CLIC5: variants seen among roughly 807,000 people sequenced by gnomAD.
The protein encoded by CLIC5 is chloride intracellular channel protein 5.
In CLIC5, 20 loss-of-function variants were observed where a neutral mutation model predicts 24.7. The ratio of observed to expected loss-of-function variants is 0.81; its 90% CI spans 0.57 to 1.18. CLIC5 has a LOEUF of 1.18. Among genes scored for constraint, CLIC5 ranks in the 50% most tolerant of loss-of-function variants. CLIC5 has a pLI of 0.00. For synonymous variants in CLIC5, 159 were observed against 135.6 expected (o/e 1.17, Z -1.20); for missense variants, 341 against 326.1 (o/e 1.05, Z -0.35).
At chr6:45,941,402 C>G (rs945587774) in intron 4 of CLIC5, 145 bp downstream of exon 4, 52 of 637,056 alleles carry the variant, frequency 8.2e-5, no homozygotes, top group East Asian at 5.3e-4. Context: ...ATGGTGGTGG[C>G]GGGGGGTGGG....
chr6:46,024,832 G>C lies in CLIC5; in HGVS notation c.540+54871C>G, dbSNP rs74726346. The stretch of plus-strand genomic sequence containing the variant: ...GCATCAACACAGTGATACACTTTAA[G>C]AGTGACGCCAATCTTGAGGTGAATA... On this transcript the variant is annotated intron_variant, in intron 1 of 5. Coordinates refer to the CLIC5 transcript ENST00000185206. 3.2e-4 allele frequency among the ~76,000 whole-genome samples: 49 copies of C among 152,258 alleles called. 1 individual carries two copies. In the East Asian group the frequency reaches 8.9e-3, roughly 28 times the overall value.
At chr6:45,943,303 G>T (rs1003971660) in intron 3 of CLIC5, among the ~76,000 whole-genome samples, 3 of 152,220 alleles carry the variant, frequency 2.0e-5, no homozygotes, top group African/African-American at 7.2e-5. Context: ...GAACCTTAAA[G>T]GCTGAGCTGC....
At chr6:46,079,903 T>A (rs723580) in exon 1 of CLIC5, 1 of 1,551,804 alleles carries the variant, frequency 6.4e-7, no homozygotes, top group African/African-American at 1.4e-5. Flanking sequence ...TGGTCCTGGG[T>A]TGATGAATAT....
intron 5 of CLIC5, among the ~76,000 whole-genome samples, chr6:45,904,644 GTCCCTT>G (rs1762601795): frequency 5.1e-3 from 2 of 390 alleles, no homozygotes; most frequent in African/African-American, 0.023. Flanking sequence ...CCTCTTTTCT[GTCCCTT>G]TCCTTCCCTC....
At chr6:46,017,183 T>C (rs1767041898), upstream of CLIC5, among the ~76,000 whole-genome samples, 3 of 152,200 alleles carry the variant, frequency 2.0e-5, no homozygotes, top group South Asian at 4.1e-4. Context: ...AATTATTGAA[T>C]GTTTTGCACC....
intron 1 of CLIC5, among the ~76,000 whole-genome samples, chr6:46,067,692 TC>T (rs1489051301): frequency 1.3e-5 from 2 of 152,132 alleles, no homozygotes; most frequent in African/African-American, 2.4e-5. Flanking sequence ...TGGCTTTCTG[TC>T]CAACTTCAGG....
intron 1 of CLIC5, among the ~76,000 whole-genome samples, chr6:46,026,546 A>G (rs768470904): frequency 2.0e-5 from 3 of 152,200 alleles, no homozygotes; most frequent in Non-Finnish European, 2.9e-5. Flanking sequence ...TCCTATCCCC[A>G]TAAAACTTGG....
the CLIC5 span, among the ~76,000 whole-genome samples, chr6:46,122,107 A>C: frequency 1.4e-4 from 22 of 152,270 alleles, 1 homozygote; most frequent in African/African-American, 4.1e-4. Flanking sequence ...AACTCTCCAC[A>C]CCAAATCAAC....
At chr6:45,921,387 G>T (rs1763254084) in intron 4 of CLIC5, among the ~76,000 whole-genome samples, 1 of 152,064 alleles carries the variant, frequency 6.6e-6, no homozygotes, top group South Asian at 2.1e-4. Flanking sequence ...GAGTATGTCG[G>T]GGAGCCATGG....
At chr6:46,092,526 T>C in the CLIC5 span, among the ~76,000 whole-genome samples, 1 of 152,222 alleles carries the variant, frequency 6.6e-6, no homozygotes, top group African/African-American at 2.4e-5. Flanking sequence ...AAACTTTAAC[T>C]CAAGTCTTGG....
intron 4 of CLIC5, among the ~76,000 whole-genome samples, chr6:45,928,451 C>T: frequency 6.6e-6 from 1 of 152,168 alleles, no homozygotes; most frequent in South Asian, 2.1e-4. Flanking sequence ...AAAGTTTCCT[C>T]AAAGCTACGT....
At chr6:46,065,963 A>C (rs1334797071) in intron 1 of CLIC5, among the ~76,000 whole-genome samples, 5 of 152,230 alleles carry the variant, frequency 3.3e-5, no homozygotes, top group Non-Finnish European at 5.9e-5. Context: ...ACTAGGGCAT[A>C]TGGTATAATG....
rs895871770 is a variant in CLIC5, at chr6:46,015,723, G to T, written c.-181C>A. On this transcript the variant is annotated 5_prime_UTR_variant, in exon 1 of 6. It adds an upstream start codon to the 5' untranslated region. Transcript: ENST00000339561. ...CGGGGTCTGAGAGATCAGTGTCCCA[G>T]ATGCTCACATGAAAAGGAGCGAAGC... 2.9e-4 allele frequency: 358 copies of T among 1,254,026 alleles called. No homozygotes were observed. The highest frequency in any genetic ancestry group is 3.4e-4 in the Non-Finnish European group (339 of 999,036). The allele number at this position is 1,254,026 out of a possible 1,614,324, so 77.7% of individuals were successfully genotyped here. A position where few individuals can be genotyped will look rare whatever the true frequency, so the allele number is the denominator to read the frequency against.
At chr6:46,031,862 CACATATATATATA>C (rs1767508627) in intron 1 of CLIC5, among the ~76,000 whole-genome samples, 1 of 146,310 alleles carries the variant, frequency 6.8e-6, no homozygotes, top group Admixed American at 6.9e-5. Flanking sequence ...TATATATATA[CACATATATATATA>C]ACATATATAT....
At chr6:45,921,675 G>C (rs554211105) in intron 4 of CLIC5, among the ~76,000 whole-genome samples, 1 of 152,084 alleles carries the variant, frequency 6.6e-6, no homozygotes, top group East Asian at 1.9e-4. Flanking sequence ...GAACATCCTA[G>C]CATGTTCCAG....
intron 1 of CLIC5, among the ~76,000 whole-genome samples, chr6:46,040,448 ATAG>A (rs1767775287): frequency 1.3e-5 from 2 of 152,002 alleles, no homozygotes; most frequent in African/African-American, 2.4e-5. Context: ...GAACACAGTA[ATAG>A]TGGTGGTGGT....
chr6:45,912,011 A>G, intron 5 of CLIC5: 1 of 985,702 alleles, frequency 1.0e-6, no homozygotes, highest in Non-Finnish European at 1.2e-6. Flanking sequence ...GCCACGCAAG[A>G]GGAGAGTGAG....
chr6:45,980,254 A>T (rs145863833), intron 1 of CLIC5, among the ~76,000 whole-genome samples: 1 of 152,092 alleles, frequency 6.6e-6, no homozygotes, highest in African/African-American at 2.4e-5. Flanking sequence ...TCACTGGTCT[A>T]TGTGTCTGTT....
In CLIC5 at chr6:45,914,373, A is replaced by G. The variant is rs1762936816; in HGVS notation, c.443T>C (p.Leu148Ser). The change falls in exon 5 of 6, where the codon TTG (leucine) becomes TCG (serine). Residue 148 changes from leucine to serine, a missense_variant. Physicochemically the swap from Leu to Ser is moderately radical, Grantham distance 145. Coordinates refer to ENST00000339561, the MANE Select transcript of CLIC5 (RefSeq NM_016929.5). Reference protein sequence around the residue: ...ERGLTKALKKLDDYLNTPLPE... With the variant: ...ERGLTKALKKSDDYLNTPLPE... ...TAGAGGGGTGTTCAGGTAGTCATCC[A>G]ATTTCTTTAGAGCCTTGGTTAGGCC... 6.3e-7 allele frequency: 1 copy of G among 1,593,678 alleles called. No homozygotes were observed. Among genetic ancestry groups the G allele is most frequent in the Non-Finnish European group, 8.6e-7 (1 of 1,165,086 alleles).
Sources: allele counts gnomAD v4.1 joint callset (sites outside exome capture counted in the v4.1 genomes callset), GRCh38; gene constraint gnomAD v4.1.1; transcripts MANE v1.5; gene names NCBI Gene and HGNC (gene_info 2026-07-23, HGNC 2026-07-21).